The following RABGAP1L variants were observed in gnomAD, a reference collection of about 807,000 sequenced individuals.
RABGAP1L encodes the protein RAB GTPase activating protein 1 like, also known as rab GTPase-activating protein 1-like.
Under a neutral mutation model 137.7 loss-of-function variants are expected in RABGAP1L, and 63 were observed. The ratio of observed to expected loss-of-function variants is 0.46; its 90% CI spans 0.37 to 0.56. RABGAP1L has a LOEUF of 0.56. Among genes scored for constraint, RABGAP1L ranks in the 20% least tolerant of loss-of-function variants. The pLI is 0.00. For synonymous variants in RABGAP1L, 431 were observed against 433.7 expected (o/e 0.99, Z 0.08); for missense variants, 1,095 against 1,244.0 (o/e 0.88, Z 1.80).
intron 19 of RABGAP1L, among the ~76,000 whole-genome samples, chr1:174,890,184 T>C (rs1428050846): frequency 3.3e-5 from 5 of 152,258 alleles, no homozygotes; most frequent in Non-Finnish European, 7.3e-5. Flanking sequence ...GTCAAAGAGA[T>C]AACAGTCCAG....
intron 13 of RABGAP1L, among the ~76,000 whole-genome samples, chr1:174,586,255 T>G (rs1259682189): frequency 6.6e-6 from 1 of 152,090 alleles, no homozygotes; most frequent in African/African-American, 2.4e-5. Flanking sequence ...GCCATTATCC[T>G]CAGCAAACTA....
At chr1:174,618,388 C>T (rs1572541402) in intron 13 of RABGAP1L, among the ~76,000 whole-genome samples, 2 of 152,300 alleles carry the variant, frequency 1.3e-5, no homozygotes, top group South Asian at 4.1e-4. Context: ...TGGGAGGCAC[C>T]CTGCAGTAGG....
At chr1:174,537,503 G>A (rs1249859897) in intron 13 of RABGAP1L, among the ~76,000 whole-genome samples, 1 of 152,146 alleles carries the variant, frequency 6.6e-6, no homozygotes, top group Non-Finnish European at 1.5e-5. Context: ...GGAATATCAA[G>A]TCTGGTCTGT....
intron 13 of RABGAP1L, among the ~76,000 whole-genome samples, chr1:174,436,761 G>C (rs1348089530): frequency 6.6e-6 from 1 of 152,166 alleles, no homozygotes; most frequent in South Asian, 2.1e-4. Flanking sequence ...AGAATGGGCA[G>C]ACTGCCTCCT....
At chr1:174,507,692 GAA>G (rs1371586556) in intron 13 of RABGAP1L, among the ~76,000 whole-genome samples, 3 of 152,012 alleles carry the variant, frequency 2.0e-5, no homozygotes, top group African/African-American at 7.2e-5. Flanking sequence ...AACCAGAGGA[GAA>G]AAAAATTAAA....
intron 13 of RABGAP1L, among the ~76,000 whole-genome samples, chr1:174,426,191 C>A (rs1320197811): frequency 1.3e-5 from 2 of 152,044 alleles, no homozygotes; most frequent in Non-Finnish European, 2.9e-5. Flanking sequence ...ATAAAATTAT[C>A]TTGACAGCAA....
chr1:174,882,180 A>G (rs1654346638), intron 19 of RABGAP1L, among the ~76,000 whole-genome samples: 1 of 152,190 alleles, frequency 6.6e-6, no homozygotes, highest in South Asian at 2.1e-4. Flanking sequence ...CACTCTTGCT[A>G]ACTTATAAAA....
intron 19 of RABGAP1L, among the ~76,000 whole-genome samples, chr1:174,884,193 TAGC>T (rs1654711717): frequency 6.6e-6 from 1 of 152,190 alleles, no homozygotes; most frequent in African/African-American, 2.4e-5. Flanking sequence ...GAAACCAAAA[TAGC>T]AGCACTGTGC....
intron 22 of RABGAP1L, among the ~76,000 whole-genome samples, chr1:174,976,688 C>G (rs2149378458): frequency 6.6e-6 from 1 of 152,332 alleles, no homozygotes; most frequent in Admixed American, 6.5e-5. Context: ...AGCTTTCAAA[C>G]CTATTTCCTG....
intron 6 of RABGAP1L, among the ~76,000 whole-genome samples, chr1:174,251,710 C>T (rs1026178915): frequency 3.9e-5 from 6 of 152,114 alleles, no homozygotes; most frequent in African/African-American, 1.4e-4. Flanking sequence ...TTCATGGATA[C>T]ATCACAGTCA....
At chr1:174,696,785 A>G (rs1405456522) in intron 15 of RABGAP1L, among the ~76,000 whole-genome samples, 1 of 152,088 alleles carries the variant, frequency 6.6e-6, no homozygotes, top group Non-Finnish European at 1.5e-5. Context: ...TGTTTTTTCT[A>G]TCCTCTTCCA....
intron 1 of RABGAP1L, among the ~76,000 whole-genome samples, chr1:174,187,302 G>C (rs752719745): frequency 1.5e-4 from 23 of 151,900 alleles, no homozygotes; most frequent in Non-Finnish European, 3.1e-4. Flanking sequence ...GAAGTGAACA[G>C]GGTAATTTTC....
At chr1:174,809,089 G>A (rs1689616759) in intron 18 of RABGAP1L, among the ~76,000 whole-genome samples, 1 of 152,162 alleles carries the variant, frequency 6.6e-6, no homozygotes, top group Non-Finnish European at 1.5e-5. Flanking sequence ...TACCTTTAAT[G>A]TGTCAAGTAC....
chr1:174,314,440 A>T (rs1679177684), intron 11 of RABGAP1L, among the ~76,000 whole-genome samples: 1 of 151,892 alleles, frequency 6.6e-6, no homozygotes. Flanking sequence ...ATTTTGTTGA[A>T]CTTTTCAAGA....
chr1:174,500,576 C>T (rs151149482), intron 13 of RABGAP1L, among the ~76,000 whole-genome samples: 69 of 152,264 alleles, frequency 4.5e-4, no homozygotes, highest in African/African-American at 1.6e-3. Context: ...AACTGATTGA[C>T]AATCACAGTA....
intron 17 of RABGAP1L, among the ~76,000 whole-genome samples, chr1:174,709,202 T>TCC (rs1437073722): frequency 6.6e-6 from 1 of 152,108 alleles, no homozygotes; most frequent in East Asian, 1.9e-4. Flanking sequence ...AACTCCCATC[T>TCC]CCCTGGGACA....
intron 18 of RABGAP1L, among the ~76,000 whole-genome samples, chr1:174,788,181 A>C (rs1465234203): frequency 6.6e-6 from 1 of 152,230 alleles, no homozygotes; most frequent in Non-Finnish European, 1.5e-5. Flanking sequence ...TTCATTAATA[A>C]TTAGACTTGC....
At chr1:174,658,929 G>C (rs1411632581) in intron 14 of RABGAP1L, among the ~76,000 whole-genome samples, 10 of 152,148 alleles carry the variant, frequency 6.6e-5, no homozygotes, top group Admixed American at 5.9e-4. Flanking sequence ...TAAACAAATT[G>C]ATTTTTGTTT....
intron 11 of RABGAP1L, among the ~76,000 whole-genome samples, chr1:174,347,201 C>T (rs2148908422): frequency 6.6e-6 from 1 of 152,250 alleles, no homozygotes; most frequent in East Asian, 1.9e-4. Context: ...GCCACTGGAT[C>T]AAATGTTCTA....
Sources: allele counts gnomAD v4.1 joint callset (sites outside exome capture counted in the v4.1 genomes callset), GRCh38; gene constraint gnomAD v4.1.1; transcripts MANE v1.5; gene names NCBI Gene and HGNC (gene_info 2026-07-23, HGNC 2026-07-21).